Variants in RAP1A observed in about 807,000 individuals in gnomAD.
RAP1A encodes the protein RAP1A, member of RAS oncogene family.
Under a neutral mutation model 26.4 loss-of-function variants are expected in RAP1A, and 6 were observed. The observed-to-expected ratio is 0.23, with a 90% CI of 0.12 to 0.45. The LOEUF is 0.45. RAP1A is among the 20% of genes least tolerant of loss of function. The pLI is 0.99. For missense variants in RAP1A, 121 were observed against 217.2 expected (o/e 0.56, Z 2.78); for synonymous variants, 73 against 79.4 (o/e 0.92, Z 0.43).
rs930014206 is a variant in RAP1A at position 111,574,406 on chromosome 1, A to C, written c.-28+31897A>C. On this transcript the variant is annotated intron_variant, in intron 1 of 7. Transcript: ENST00000356415. ...TGGGAAGCAGGATGCCTCCAGCTTC[A>C]TCCTTTTGCTTAGGATTGCCTTGGC... 3.9e-5 allele frequency among the ~76,000 whole-genome samples: 6 copies of C among 152,302 alleles called. 1 individual carries two copies. Among genetic ancestry groups the C allele is most frequent in the Middle Eastern group, 6.8e-3 (2 of 294 alleles).
At chr1:111,675,836 T>C (rs942989099) in intron 1 of RAP1A, among the ~76,000 whole-genome samples, 2 of 152,222 alleles carry the variant, frequency 1.3e-5, no homozygotes, top group Non-Finnish European at 2.9e-5. Context: ...TTGAGTTCCA[T>C]GTGGCTGGGG....
chr1:111,624,557 G>A (rs2101094336), intron 1 of RAP1A, among the ~76,000 whole-genome samples: 1 of 152,242 alleles, frequency 6.6e-6, no homozygotes, highest in African/African-American at 2.4e-5. Flanking sequence ...GAACCTATAA[G>A]CTTAGCTTTG....
intron 4 of RAP1A, 135 bp downstream of exon 4, chr1:111,697,632 A>T: frequency 6.9e-7 from 1 of 1,457,858 alleles, no homozygotes. Flanking sequence ...GAACATAGGG[A>T]TTCTTAAGTA....
At chr1:111,583,787 A>C (rs1383035694) in intron 1 of RAP1A, among the ~76,000 whole-genome samples, 2 of 152,064 alleles carry the variant, frequency 1.3e-5, no homozygotes, top group African/African-American at 4.8e-5. Context: ...CGTTATACTT[A>C]ACAAGAGTAA....
intron 1 of RAP1A, among the ~76,000 whole-genome samples, chr1:111,644,207 G>A (rs1351742995): frequency 2.6e-5 from 4 of 152,114 alleles, no homozygotes; most frequent in Non-Finnish European, 5.9e-5. Flanking sequence ...TCCAATAAAA[G>A]GAAGAACAAA....
intron 1 of RAP1A, among the ~76,000 whole-genome samples, chr1:111,682,050 T>C (rs912795156): frequency 4.6e-5 from 7 of 152,032 alleles, no homozygotes; most frequent in Non-Finnish European, 7.4e-5. Flanking sequence ...TTCAGCATTC[T>C]TAAAACATAA....
chr1:111,698,191 A>G (rs1012271860), intron 4 of RAP1A, among the ~76,000 whole-genome samples: 4 of 152,268 alleles, frequency 2.6e-5, no homozygotes, highest in South Asian at 2.1e-4. Flanking sequence ...ACATTAAGCA[A>G]TCTTTGCTTT....
At position 111,716,498 on chromosome 1, in the gene RAP1A, C is replaced by A. The variant is rs1662544280; in HGVS notation, c.*4097C>A. On this transcript the variant is annotated 3_prime_UTR_variant, in exon 8 of 8. Transcript: ENST00000369709. ...GTTTTCTGGGAAGGCAACGTGGATT[C>A]TGTTTTGTAGACATTAATGAGCTTT... 1 of 152,164 alleles carries A rather than the reference C, an allele frequency of 6.6e-6. No homozygotes were observed. Among genetic ancestry groups the A allele is most frequent in the Non-Finnish European group, 1.5e-5 (1 of 68,026 alleles). The allele number at this position is 152,164 out of a possible 1,614,324, so 9.4% of individuals were successfully genotyped here. A position where few individuals can be genotyped will look rare whatever the true frequency, so the allele number is the denominator to read the frequency against.
intron 1 of RAP1A, among the ~76,000 whole-genome samples, chr1:111,565,964 C>T (rs1263934005): frequency 6.6e-6 from 1 of 151,984 alleles, no homozygotes; most frequent in Non-Finnish European, 1.5e-5. Flanking sequence ...TGCCAACGTC[C>T]AGATCACAAA....
At chr1:111,602,645 A>C (rs1401121529) in intron 1 of RAP1A, among the ~76,000 whole-genome samples, 1 of 152,226 alleles carries the variant, frequency 6.6e-6, no homozygotes, top group Non-Finnish European at 1.5e-5. Context: ...CAACCTAGTG[A>C]ACATTGTTCA....
chr1:111,697,731 G>A (rs1661880669), intron 4 of RAP1A, among the ~76,000 whole-genome samples: 2 of 152,068 alleles, frequency 1.3e-5, no homozygotes, highest in South Asian at 2.1e-4. Flanking sequence ...CTACATTGAG[G>A]TAAGGATTAT....
intron 1 of RAP1A, among the ~76,000 whole-genome samples, chr1:111,556,880 G>A (rs1415236451): frequency 6.7e-6 from 1 of 149,838 alleles, no homozygotes; most frequent in Non-Finnish European, 1.5e-5. Flanking sequence ...CTTAGAAATA[G>A]TTAAAATGGT....
At chr1:111,607,660 T>C (rs1658817127) in intron 1 of RAP1A, among the ~76,000 whole-genome samples, 2 of 138,260 alleles carry the variant, frequency 1.4e-5, no homozygotes, top group Non-Finnish European at 3.1e-5. Context: ...GCCACGTCCC[T>C]CCCGGACGGG....
At chr1:111,690,125 G>A (rs1456164463) in intron 1 of RAP1A, among the ~76,000 whole-genome samples, 1 of 152,030 alleles carries the variant, frequency 6.6e-6, no homozygotes, top group Non-Finnish European at 1.5e-5. Flanking sequence ...TGAGTTACAC[G>A]TGGATCAACT....
At chr1:111,650,560 T>C (rs1660232482) in intron 1 of RAP1A, 1 of 152,148 alleles carries the variant, frequency 6.6e-6, no homozygotes, top group Admixed American at 6.5e-5. Context: ...TTAGAGCAGT[T>C]TTAGGTTTAC....
intron 1 of RAP1A, among the ~76,000 whole-genome samples, chr1:111,582,593 A>C (rs1658278955): frequency 6.6e-6 from 1 of 152,226 alleles, no homozygotes. Flanking sequence ...TAATTTGGGA[A>C]TATTTAAGCT....
chr1:111,676,401 CCATATCAGTA>C (rs907638718), intron 1 of RAP1A, among the ~76,000 whole-genome samples: 11 of 151,814 alleles, frequency 7.2e-5, no homozygotes, highest in African/African-American at 2.4e-4. Flanking sequence ...CAGAGCCAAA[CCATATCAGTA>C]TGTAACTGGT....
chr1:111,662,543 G>A (rs1276231697), intron 1 of RAP1A, among the ~76,000 whole-genome samples: 1 of 152,028 alleles, frequency 6.6e-6, no homozygotes, highest in East Asian at 1.9e-4. Flanking sequence ...TAGAACTGTA[G>A]CACTTACGAG....
At chr1:111,559,061 T>G (rs887605160) in intron 1 of RAP1A, among the ~76,000 whole-genome samples, 10 of 152,280 alleles carry the variant, frequency 6.6e-5, no homozygotes, top group Admixed American at 4.6e-4. Flanking sequence ...TATCCAGTTT[T>G]AAAAGATAAT....
Sources: allele counts gnomAD v4.1 joint callset (sites outside exome capture counted in the v4.1 genomes callset), GRCh38; gene constraint gnomAD v4.1.1; transcripts MANE v1.5; gene names NCBI Gene and HGNC (gene_info 2026-07-23, HGNC 2026-07-21).